Variants in MROH9 observed in about 807,000 individuals in gnomAD.
The protein encoded by MROH9 is maestro heat-like repeat-containing protein family member 9.
In MROH9, 92 loss-of-function variants were observed where a neutral mutation model predicts 98.2. The observed-to-expected ratio is 0.94, with a 90% CI of 0.79 to 1.11. The LOEUF (loss-of-function observed/expected upper bound fraction) is 1.11, where lower values mean the gene tolerates loss of function less well. Ranked by LOEUF, MROH9 falls within the 50% of genes most tolerant of loss-of-function variation. The pLI, the probability that MROH9 is intolerant of heterozygous loss-of-function variation, is 0.00. For synonymous variants in MROH9, 397 were observed against 368.9 expected (o/e 1.08, Z -0.87); for missense variants, 1,057 against 1,014.8 (o/e 1.04, Z -0.57).
chr1:171,054,984 C>T (rs1323465857), intron 20 of MROH9, among the ~76,000 whole-genome samples: 3 of 151,364 alleles, frequency 2.0e-5, no homozygotes, highest in African/African-American at 7.3e-5. Flanking sequence ...ACCATTTGAT[C>T]CAGCAATCCC....
rs185301019 is a variant in MROH9, at chr1:170,970,264, T to C, written c.481-1484T>C. Among the ~76,000 whole-genome samples the C allele has an allele frequency of 1.0e-3, 159 of 152,262 alleles. 1 individual carries two copies. Among genetic ancestry groups the C allele is most frequent in the Admixed American group, 3.7e-3 (56 of 15,294 alleles). ...AAGGCCAATCCCCTGTAAGTGGTGC[T>C]CAGCTTCAGTGAGGTAAGCTGTGAG... On this transcript the variant is annotated intron_variant, in intron 7 of 21. Coordinates refer to ENST00000367759, the MANE Select transcript of MROH9 (RefSeq NM_001163629.2).
At chr1:170,970,540 T>C (rs561714416) in intron 7 of MROH9, among the ~76,000 whole-genome samples, 2 of 152,200 alleles carry the variant, frequency 1.3e-5, no homozygotes, top group African/African-American at 2.4e-5. Context: ...CCACTCTTTG[T>C]ACGGGTGGAA....
intron 8 of MROH9, among the ~76,000 whole-genome samples, chr1:170,980,463 C>T (rs957178937): frequency 7.9e-5 from 12 of 152,108 alleles, no homozygotes; most frequent in Admixed American, 5.2e-4. Flanking sequence ...GGAAATAACA[C>T]CACACATCTA....
intron 15 of MROH9, among the ~76,000 whole-genome samples, chr1:171,002,586 C>A (rs1651817059): frequency 6.6e-6 from 1 of 152,178 alleles, no homozygotes. Context: ...GGGCTGCAAT[C>A]CCTTCTAGAT....
intron 8 of MROH9, among the ~76,000 whole-genome samples, chr1:170,982,028 G>C (rs1650950079): frequency 6.6e-6 from 1 of 152,062 alleles, no homozygotes; most frequent in African/African-American, 2.4e-5. Flanking sequence ...AAAGTAATTT[G>C]GCACTATCCT....
At chr1:171,000,177 C>A (rs752574569) in intron 15 of MROH9, among the ~76,000 whole-genome samples, 2 of 152,048 alleles carry the variant, frequency 1.3e-5, no homozygotes, top group Non-Finnish European at 2.9e-5. Flanking sequence ...TGCAAAAGAT[C>A]TTTAGTTTAA....
intron 3 of MROH9, among the ~76,000 whole-genome samples, chr1:170,957,850 C>T (rs560413136): frequency 1.3e-5 from 2 of 148,412 alleles, no homozygotes; most frequent in South Asian, 4.3e-4. Context: ...TCTCTGTCAC[C>T]CAGGCTGGAG....
At chr1:171,017,936 C>T (rs994618220) in intron 17 of MROH9, among the ~76,000 whole-genome samples, 1 of 152,190 alleles carries the variant, frequency 6.6e-6, no homozygotes, top group African/African-American at 2.4e-5. Context: ...GCCACAGTCT[C>T]TGCACACCAG....
At chr1:170,998,493 T>C in intron 15 of MROH9, 1 of 1,497,592 alleles carries the variant, frequency 6.7e-7, no homozygotes, top group Middle Eastern at 1.8e-4. Flanking sequence ...TTGGTTTTTC[T>C]CTGTTTCTAG....
intron 17 of MROH9, among the ~76,000 whole-genome samples, chr1:171,019,828 G>A (rs1652453773): frequency 6.6e-6 from 1 of 151,958 alleles, no homozygotes; most frequent in Admixed American, 6.6e-5. Context: ...ACAAATCCAA[G>A]AGCTGGTTTG....
intron 12 of MROH9, among the ~76,000 whole-genome samples, chr1:170,993,895 TTC>T (rs1047798918): frequency 1.3e-5 from 2 of 152,204 alleles, no homozygotes; most frequent in African/African-American, 4.8e-5. Context: ...TAATGTATTT[TTC>T]TCTCTATTTT....
chr1:170,945,422 C>A, intron 1 of MROH9, 98 bp from the exon 2 acceptor site: 1 of 733,860 alleles, frequency 1.4e-6, no homozygotes, highest in Non-Finnish European at 2.4e-6. Flanking sequence ...TAACACAATC[C>A]ACATACTGTA....
At chr1:171,025,273 A>G (rs1273645450) in intron 19 of MROH9, 45 bp from the exon 20 acceptor site, 3 of 1,229,010 alleles carry the variant, frequency 2.4e-6, no homozygotes, top group African/African-American at 3.0e-5. Context: ...CAAATGTTCT[A>G]TTTCAGCAAT....
intron 8 of MROH9, among the ~76,000 whole-genome samples, chr1:170,981,615 G>A (rs1455190460): frequency 6.6e-6 from 1 of 151,998 alleles, no homozygotes; most frequent in East Asian, 1.9e-4. Context: ...TTGGAGGTGG[G>A]GGGTGCGGGG....
intron 20 of MROH9, among the ~76,000 whole-genome samples, chr1:171,030,787 A>G (rs568107853): frequency 7.2e-5 from 11 of 152,320 alleles, no homozygotes; most frequent in African/African-American, 2.6e-4. Context: ...AGAGTTCTGC[A>G]TATGTCTATT....
At chr1:170,998,065 G>T in intron 14 of MROH9, 89 bp from the exon 15 acceptor site, 1 of 993,256 alleles carries the variant, frequency 1.0e-6, no homozygotes. Flanking sequence ...TCTGGGAGGT[G>T]CAAGATATTA....
intron 1 of MROH9, among the ~76,000 whole-genome samples, chr1:170,936,758 T>C (rs1310317912): frequency 6.6e-6 from 1 of 151,964 alleles, no homozygotes; most frequent in Non-Finnish European, 1.5e-5. Flanking sequence ...GAGAGACCGA[T>C]GGGGTTGAGA....
Position 170,995,501 on chromosome 1 carries a change from A to G in MROH9, c.1307A>G (p.Glu436Gly). Residue 436 changes from glutamate (E) to glycine (G), a missense_variant, in exon 13 of 22, where the codon GAG becomes GGG. By Grantham distance (98) the Glu-to-Gly change is moderately conservative. Transcript: ENST00000367759. ...TLMFQVFYNSELKPILKDRAL... is the reference protein window; with the variant it reads ...TLMFQVFYNSGLKPILKDRAL... The stretch of plus-strand genomic sequence containing the variant: ...ATGTTCCAAGTCTTCTACAACAGTG[A>G]GCTGAAACCGATACTCAAGGACAGG... 1 of 1,613,332 alleles carries G rather than the reference A, an allele frequency of 6.2e-7. No individual in the cohort carries two copies. Among genetic ancestry groups the G allele is most frequent in the Non-Finnish European group, 8.5e-7 (1 of 1,179,524 alleles).
At chr1:171,037,715 A>G (rs1212165523) in intron 20 of MROH9, among the ~76,000 whole-genome samples, 1 of 152,034 alleles carries the variant, frequency 6.6e-6, no homozygotes, top group Non-Finnish European at 1.5e-5. Flanking sequence ...TAGCTTTAGT[A>G]ATTAAAATCA....
Sources: allele counts gnomAD v4.1 joint callset (sites outside exome capture counted in the v4.1 genomes callset), GRCh38; gene constraint gnomAD v4.1.1; transcripts MANE v1.5; gene names NCBI Gene and HGNC (gene_info 2026-07-23, HGNC 2026-07-21).